Variants in DISC1 observed in about 807,000 individuals in gnomAD.
DISC1 encodes DISC1 scaffold protein.
A neutral mutation model predicts 84.5 loss-of-function variants in DISC1; 57 were observed. The observed-to-expected ratio is 0.67, with a 90% CI of 0.55 to 0.84. The LOEUF (loss-of-function observed/expected upper bound fraction) is 0.84, where lower values mean the gene tolerates loss of function less well. Among genes scored for constraint, DISC1 ranks in the 40% least tolerant of loss-of-function variants. DISC1 has a pLI of 0.00. For synonymous variants in DISC1, 411 were observed against 415.2 expected (o/e 0.99, Z 0.12); for missense variants, 1,000 against 1,057.8 (o/e 0.95, Z 0.76).
At chr1:231,854,904 TG>T in intron 9 of DISC1, 3 of 514,796 alleles carry the variant, frequency 5.8e-6, no homozygotes, top group South Asian at 3.3e-5. Context: ...TTAGTAGAGA[TG>T]GGGTTTTACC....
intron 9 of DISC1, among the ~76,000 whole-genome samples, chr1:231,820,383 T>C (rs1440067390): frequency 6.6e-6 from 1 of 152,236 alleles, no homozygotes; most frequent in African/African-American, 2.4e-5. Context: ...AGTTTAAATG[T>C]AGAGAAAGTA....
At chr1:231,949,000 G>A (rs1405955069) in intron 9 of DISC1, among the ~76,000 whole-genome samples, 1 of 151,510 alleles carries the variant, frequency 6.6e-6, no homozygotes, top group African/African-American at 2.4e-5. Context: ...CTTCTGAGTA[G>A]CTGGCATTAC....
chr1:231,750,827 A>T (rs114538464), intron 4 of DISC1, among the ~76,000 whole-genome samples: 3,926 of 152,288 alleles, frequency 0.026, 63 homozygotes, highest in Middle Eastern at 0.048. Context: ...CCTCATCACA[A>T]TTCAGGTCTG....
intron 2 of DISC1, among the ~76,000 whole-genome samples, chr1:231,697,713 T>A (rs980296792): frequency 6.7e-6 from 1 of 149,552 alleles, no homozygotes; most frequent in African/African-American, 2.5e-5. Context: ...GCCTCCAAGG[T>A]ACTGGGATTA....
At chr1:231,904,797 G>A (rs990292592) in intron 9 of DISC1, among the ~76,000 whole-genome samples, 13 of 152,152 alleles carry the variant, frequency 8.5e-5, no homozygotes, top group Admixed American at 1.3e-4. Flanking sequence ...CCCTGTTGAT[G>A]CTGGAAAACA....
chr1:231,855,100 A>G (rs2125910840), intron 9 of DISC1: 1 of 1,006,694 alleles, frequency 9.9e-7, no homozygotes, highest in Middle Eastern at 4.7e-4. Context: ...TAGTGGAAGT[A>G]TAAAAGAAGT....
chr1:231,959,789 G>T (rs1660123628), intron 10 of DISC1, among the ~76,000 whole-genome samples: 1 of 152,198 alleles, frequency 6.6e-6, no homozygotes, highest in African/African-American at 2.4e-5. Flanking sequence ...GACTTGGGAA[G>T]AATCTATGAC....
At chr1:231,752,729 A>G (rs1197680893) in intron 4 of DISC1, among the ~76,000 whole-genome samples, 1 of 152,232 alleles carries the variant, frequency 6.6e-6, no homozygotes, top group Non-Finnish European at 1.5e-5. Context: ...CTCATCTGAG[A>G]CAAGGCTAGT....
chr1:231,643,356 AAAAAT>A (rs1476797832), intron 1 of DISC1, among the ~76,000 whole-genome samples: 4 of 152,210 alleles, frequency 2.6e-5, no homozygotes, highest in South Asian at 2.1e-4. Flanking sequence ...ACTAGTAAAA[AAAAAT>A]AAAATAAAAT....
intron 9 of DISC1, among the ~76,000 whole-genome samples, chr1:231,822,364 T>C (rs1472244160): frequency 6.6e-6 from 1 of 152,060 alleles, no homozygotes; most frequent in African/African-American, 2.4e-5. Context: ...TAAGTGAGAA[T>C]ACCAAGCAGC....
At chr1:231,702,052 T>G (rs1231605036) in intron 3 of DISC1, 28 bp downstream of exon 3, 1 of 1,595,790 alleles carries the variant, frequency 6.3e-7, no homozygotes, top group East Asian at 2.3e-5. Flanking sequence ...TATTGATTGT[T>G]TTGTCATCAT....
intron 10 of DISC1, among the ~76,000 whole-genome samples, chr1:232,006,791 A>G (rs560628622): frequency 6.6e-6 from 1 of 152,322 alleles, no homozygotes; most frequent in African/African-American, 2.4e-5. Flanking sequence ...GACAATGGAG[A>G]AAATGTCTCT....
intron 1 of DISC1, among the ~76,000 whole-genome samples, chr1:231,634,597 G>C (rs750892826): frequency 2.0e-5 from 3 of 152,122 alleles, no homozygotes; most frequent in African/African-American, 7.2e-5. Flanking sequence ...AAATTGCCTC[G>C]ACTCTATTAA....
intron 8 of DISC1, among the ~76,000 whole-genome samples, chr1:231,804,510 T>G (rs1021246198): frequency 1.0e-4 from 15 of 149,072 alleles, no homozygotes; most frequent in African/African-American, 3.5e-4. Context: ...CAGGCTGGAG[T>G]GCAGAGGTAA....
At position 231,861,452 on chromosome 1, in the gene DISC1, G is replaced by GTTTTTTTTTTTTTTTTTTTTTTTTTTTT. The variant is rs59522401; in HGVS notation, c.1981+42960_1981+42961insTTTTTTTTTTTTTTTTTTTTTTTTTTTT. On this transcript the variant is annotated intron_variant, in intron 9 of 12. Coordinates refer to ENST00000439617, the MANE Select transcript of DISC1 (RefSeq NM_018662.3). ...CAGACTCTGTCATTGATTTTGACAAGTTTTTTTTTTTTTTTTTTTTTTTTT... is the reference window on the plus strand; with the variant it reads ...CAGACTCTGTCATTGATTTTGACAAGTTTTTTTTTTTTTTTTTTTTTTTTTTTTTTTTTTTTTTTTTTTTTTTTTTTTT... 2.2e-5 allele frequency among the ~76,000 whole-genome samples: 2 copies of GTTTTTTTTTTTTTTTTTTTTTTTTTTTT among 88,968 alleles called. 1 individual carries two copies. The allele number at this position is 88,968 out of a possible 152,430, so 58.4% of individuals were successfully genotyped here.
chr1:231,750,563 G>A (rs1352735170), intron 4 of DISC1: 1 of 986,246 alleles, frequency 1.0e-6, no homozygotes, highest in Non-Finnish European at 1.2e-6. Flanking sequence ...ATAGAGAGCA[G>A]TTGCTGCTTC....
At chr1:231,695,298 C>G (rs1002729171) in intron 2 of DISC1, among the ~76,000 whole-genome samples, 1 of 152,222 alleles carries the variant, frequency 6.6e-6, no homozygotes, top group African/African-American at 2.4e-5. Context: ...GGTCATTGAA[C>G]CTCTTTGGCT....
chr1:231,640,903 C>G (rs1300620096), intron 1 of DISC1, among the ~76,000 whole-genome samples: 3 of 152,142 alleles, frequency 2.0e-5, no homozygotes, highest in African/African-American at 7.2e-5. Context: ...CTTTGGAGTG[C>G]TGACTAGTAT....
In DISC1 at chr1:231,694,412, C is replaced by T; in HGVS notation, c.654C>T (p.Gly218=). Residue 218 remains glycine (G), a synonymous_variant, in exon 2 of 13, where the codon GGC becomes GGT. Transcript: ENST00000439617. ...SSFSFIRLSL[G]SAGERGEAEG... ...TTAGCTTTATTCGGCTCTCGCTTGGCTCTGCCGGGGAACGTGGAGAAGCAG... is the reference window on the plus strand; with the variant it reads ...TTAGCTTTATTCGGCTCTCGCTTGGTTCTGCCGGGGAACGTGGAGAAGCAG... The T allele has an allele frequency of 1.2e-6, 2 of 1,614,272 alleles. No individual in the cohort carries two copies. The highest frequency in any genetic ancestry group is 1.1e-5 in the South Asian group (1 of 91,090).
Sources: allele counts gnomAD v4.1 joint callset (sites outside exome capture counted in the v4.1 genomes callset), GRCh38; gene constraint gnomAD v4.1.1; transcripts MANE v1.5; gene names NCBI Gene and HGNC (gene_info 2026-07-23, HGNC 2026-07-21).